The following DPY19L4 variants were observed in gnomAD, a reference collection of about 807,000 sequenced individuals.
DPY19L4 encodes dpy-19 like 4.
In DPY19L4, 97 loss-of-function variants were observed where a neutral mutation model predicts 102.8. That is an observed-to-expected ratio of 0.94 (90% CI 0.80 to 1.12). The LOEUF (loss-of-function observed/expected upper bound fraction) is 1.12, where lower values mean the gene tolerates loss of function less well. Ranked by LOEUF, DPY19L4 falls within the 50% of genes most tolerant of loss-of-function variation. The pLI, the probability that DPY19L4 is intolerant of heterozygous loss-of-function variation, is 0.00. For missense variants in DPY19L4, 815 were observed against 850.4 expected, an observed-to-expected ratio of 0.96 and a Z score of 0.52; for synonymous variants, 252 against 283.1, an observed-to-expected ratio of 0.89 and a Z score of 1.10.
In DPY19L4 at chr8:94,771,740, C is replaced by T. The variant is rs372747286; in HGVS notation, c.1454+1169C>T. 6.6e-4 allele frequency among the ~76,000 whole-genome samples: 100 copies of T among 152,174 alleles called. 2 individuals are homozygous for T. The South Asian group carries it at 0.019, about 28-fold the overall frequency. On this transcript the variant is annotated intron_variant, in intron 13 of 18. Transcript: ENST00000414645. The stretch of plus-strand genomic sequence containing the variant: ...AGGAAGGATCATGGCACATTGTTGG[C>T]GGGAGGAAAAGGAGTTCAGTCTGGC...
chr8:94,744,301 G>A, intron 6 of DPY19L4: 2 of 454,776 alleles, frequency 4.4e-6, no homozygotes, highest in South Asian at 1.6e-5. Flanking sequence ...CTGGCTTTTG[G>A]CCAGGGAGGC....
At chr8:94,722,888 A>T (rs2130777700) in intron 1 of DPY19L4, among the ~76,000 whole-genome samples, 1 of 152,292 alleles carries the variant, frequency 6.6e-6, no homozygotes, top group Non-Finnish European at 1.5e-5. Context: ...TCTGGTCTTT[A>T]AAAAAATGTC....
Position 94,739,726 on chromosome 8 carries a change from A to G in DPY19L4, c.547A>G (p.Ser183Gly). 1 of 1,613,534 alleles carries G rather than the reference A, an allele frequency of 6.2e-7. No homozygotes were observed. The highest frequency in any genetic ancestry group is 1.3e-5 in the African/African-American group (1 of 75,034). ...ATATGTTACTGCTTTATTTGTTACA[A>G]GTTGGCTTATGAGTGGAACATGGCT... is the stretch of plus-strand genomic sequence containing the variant. ...GIYVTALFVTSWLMSGTWLAG... is the reference protein window; with the variant it reads ...GIYVTALFVTGWLMSGTWLAG... Residue 183 changes from serine (S) to glycine (G), a missense_variant, in exon 6 of 19, where the codon AGT (serine) becomes GGT (glycine). By Grantham distance (56) the Ser-to-Gly change is moderately conservative. Coordinates refer to ENST00000414645, the MANE Select transcript of DPY19L4 (RefSeq NM_181787.3).
intron 13 of DPY19L4, 114 bp from the exon 14 acceptor site, chr8:94,777,552 T>C: frequency 7.7e-7 from 1 of 1,305,906 alleles, no homozygotes; most frequent in Non-Finnish European, 1.0e-6. Flanking sequence ...TTTTTCACTG[T>C]CCCTTAGCAT....
intron 9 of DPY19L4, 26 bp from the exon 10 acceptor site, chr8:94,765,685 T>C: frequency 6.7e-7 from 1 of 1,502,526 alleles, no homozygotes; most frequent in Non-Finnish European, 9.2e-7. Flanking sequence ...CCTCACTTCT[T>C]TGTTCATATG....
chr8:94,780,306 A>G, intron 14 of DPY19L4, 53 bp from the exon 15 acceptor site: 1 of 1,318,666 alleles, frequency 7.6e-7, no homozygotes, highest in East Asian at 2.5e-5. Flanking sequence ...ATTACCTCTA[A>G]CGTGTGTTCT....
rs778540423 is a variant in DPY19L4, at chr8:94,788,095, A to ATATATATATATATATATATTTTTT, written c.2007+44_2007+45insATATATATATATATATATTTTTTT. ...AAGTTATATATATGTATATATATAT[A>ATATATATATATATATATATTTTTT]TTTTTTTTTTAGAAAAATGACTTTA... is the stretch of plus-strand genomic sequence containing the variant. On this transcript the variant is annotated intron_variant, in intron 18 of 18. Transcript: ENST00000414645. 1.9e-5 allele frequency: 18 copies of ATATATATATATATATATATTTTTT among 971,650 alleles called. No individual in the cohort carries two copies. In the African/African-American group the frequency reaches 3.9e-4, roughly 21 times the overall value. 60.2% of individuals were successfully genotyped at this position (971,650 alleles called of 1,614,324 possible).
chr8:94,768,370 A>C (rs768083253), intron 11 of DPY19L4, 25 bp from the exon 12 acceptor site: 1 of 1,565,498 alleles, frequency 6.4e-7, no homozygotes. Context: ...TATGAATTTA[A>C]TATCATACTT....
chr8:94,762,800 C>G (rs1016398123), intron 8 of DPY19L4, among the ~76,000 whole-genome samples: 24 of 152,002 alleles, frequency 1.6e-4, no homozygotes, highest in African/African-American at 5.6e-4. Context: ...CTTGACCAGC[C>G]TGAGCAACAT....
chr8:94,775,303 CT>C (rs1813128393), intron 13 of DPY19L4, among the ~76,000 whole-genome samples: 1 of 152,004 alleles, frequency 6.6e-6, no homozygotes, highest in Non-Finnish European at 1.5e-5. Flanking sequence ...TCCAGAGTAG[CT>C]GGGATTACAG....
intron 16 of DPY19L4, among the ~76,000 whole-genome samples, chr8:94,782,079 T>G (rs1042309688): frequency 6.6e-6 from 1 of 152,158 alleles, no homozygotes; most frequent in Non-Finnish European, 1.5e-5. Flanking sequence ...ATAATAAAAT[T>G]TATGTCATTT....
intron 8 of DPY19L4, among the ~76,000 whole-genome samples, chr8:94,764,689 G>GTGTGTGTGTGTGTGTGTGTATA (rs1415377058): frequency 4.6e-5 from 2 of 43,204 alleles, no homozygotes; most frequent in African/African-American, 2.3e-4. Flanking sequence ...GTCTGTGTGT[G>GTGTGTGTGTGTGTGTGTGTATA]TATATATATA....
intron 2 of DPY19L4, among the ~76,000 whole-genome samples, chr8:94,732,554 G>T (rs1811008396): frequency 6.6e-6 from 1 of 151,966 alleles, no homozygotes; most frequent in Non-Finnish European, 1.5e-5. Flanking sequence ...ATTTAAAAAA[G>T]AAATAGTTTG....
Position 94,766,605 on chromosome 8 carries a change from CT to C in DPY19L4, c.1102-5del. 1.2e-6 allele frequency: 2 copies of C among 1,612,776 alleles called. No individual in the cohort carries two copies. The highest frequency in any genetic ancestry group is 1.7e-6 in the Non-Finnish European group (2 of 1,179,470). On this transcript the variant is annotated splice_polypyrimidine_tract_variant and splice_region_variant and intron_variant, in intron 10 of 18. Transcript: ENST00000414645. ...TTCTTTGTTTAACTGGTGTTTTTCT[CT>C]TCTAGATGTTTGTCCCACACAAAGA...
intron 11 of DPY19L4, among the ~76,000 whole-genome samples, chr8:94,767,378 C>T (rs1812722035): frequency 6.6e-6 from 1 of 150,806 alleles, no homozygotes; most frequent in African/African-American, 2.4e-5. Context: ...ACTGCAAGCT[C>T]CGCCTCCTGG....
intron 7 of DPY19L4, among the ~76,000 whole-genome samples, chr8:94,757,038 T>A (rs1206189911): frequency 6.6e-6 from 1 of 152,006 alleles, no homozygotes; most frequent in African/African-American, 2.4e-5. Flanking sequence ...AGAAAAAGAA[T>A]AATGATTTAA....
At chr8:94,754,138 C>A (rs999103228) in intron 6 of DPY19L4, among the ~76,000 whole-genome samples, 1 of 152,064 alleles carries the variant, frequency 6.6e-6, no homozygotes, top group African/African-American at 2.4e-5. Flanking sequence ...GAGCCGTGAT[C>A]GTGTCACTGT....
At chr8:94,723,813 C>T (rs1226152894) in intron 1 of DPY19L4, among the ~76,000 whole-genome samples, 4 of 151,848 alleles carry the variant, frequency 2.6e-5, no homozygotes, top group Admixed American at 1.3e-4. Flanking sequence ...TATCTTCAAA[C>T]GTATGGCATC....
Position 94,720,030 on chromosome 8 carries a change from T to C in DPY19L4, c.16+16T>C, listed in dbSNP as rs1446753172. 3.3e-6 allele frequency: 5 copies of C among 1,523,746 alleles called. No homozygotes were observed. The highest frequency in any genetic ancestry group is 1.2e-5 in the South Asian group (1 of 81,426). 94.4% of individuals were successfully genotyped at this position (1,523,746 alleles called of 1,614,324 possible). Reference sequence around the variant, plus strand: ...GAGGAAGAAGGTGATTGCCGCGGGGTCCAGCGCGCCAACGGCTGCCAGTGG... The same window carrying C: ...GAGGAAGAAGGTGATTGCCGCGGGGCCCAGCGCGCCAACGGCTGCCAGTGG... On this transcript the variant is annotated intron_variant, in intron 1 of 18. Transcript: ENST00000414645.
Sources: allele counts gnomAD v4.1 joint callset (sites outside exome capture counted in the v4.1 genomes callset), GRCh38; gene constraint gnomAD v4.1.1; transcripts MANE v1.5; gene names NCBI Gene and HGNC (gene_info 2026-07-23, HGNC 2026-07-21).